OTC: variants seen among roughly 807,000 people sequenced by gnomAD.
OTC encodes ornithine transcarbamylase.
A neutral mutation model predicts 30.3 loss-of-function variants in OTC; 3 were observed. The observed-to-expected ratio is 0.10, with a 90% CI of 0.05 to 0.26. OTC has a LOEUF of 0.26. Among genes scored for constraint, OTC ranks in the 10% least tolerant of loss-of-function variants. OTC has a pLI of 1.00. For missense variants in OTC, 194 were observed against 260.3 expected (o/e 0.75, Z 1.75); for synonymous variants, 111 against 99.7 (o/e 1.11, Z -0.67).
intron 3 of OTC, among the ~76,000 whole-genome samples, chrX:38,375,695 G>T (rs1465596924): frequency 3.6e-5 from 4 of 111,489 alleles, no homozygotes; most frequent in Non-Finnish European, 5.7e-5. Context: ...AGTTTGAAGT[G>T]TCTATTAGAC....
the OTC span, among the ~76,000 whole-genome samples, chrX:38,333,256 G>A: frequency 2.3e-4 from 25 of 109,552 alleles, no homozygotes; most frequent in Non-Finnish European, 3.0e-4. Context: ...AAATGTTTCA[G>A]GCCACAAGTA....
chrX:38,334,374 C>G, the OTC span, among the ~76,000 whole-genome samples: 1 of 112,003 alleles, frequency 8.9e-6, no homozygotes, highest in African/African-American at 3.3e-5. Context: ...GAGCACAGAA[C>G]AGCAGTCTTC....
intron 3 of OTC, among the ~76,000 whole-genome samples, chrX:38,380,076 TC>T (rs1481361398): frequency 1.8e-5 from 2 of 111,806 alleles, no homozygotes; most frequent in East Asian, 2.8e-4. Context: ...TCAGTTTGTA[TC>T]CCCAAAAAAT....
upstream of OTC, among the ~76,000 whole-genome samples, chrX:38,350,412 G>T (rs1180322062): frequency 8.9e-6 from 1 of 111,822 alleles, no homozygotes; most frequent in African/African-American, 3.3e-5. Context: ...AACTAGATAG[G>T]TAGTGAAACA....
At chrX:38,330,071 G>A in the OTC span, among the ~76,000 whole-genome samples, 1 of 112,224 alleles carries the variant, frequency 8.9e-6, no homozygotes, top group Non-Finnish European at 1.9e-5. Flanking sequence ...AGATTAACCA[G>A]GTAAGCCCAA....
chrX:38,394,513 A>G (rs1450145977), intron 4 of OTC, among the ~76,000 whole-genome samples: 3 of 111,205 alleles, frequency 2.7e-5, no homozygotes, highest in Non-Finnish European at 5.7e-5. Context: ...CCACCTAATC[A>G]TCAGTCAAGT....
chrX:38,378,714 A>T lies in OTC; in HGVS notation c.299-2628A>T, dbSNP rs913293711. ...GTTGTGTTGTGTAGTTACTCCACAG[A>T]CATGAGATGTGCCATCCACCTAAAA... On this transcript the variant is annotated intron_variant, in intron 3 of 9. Coordinates refer to ENST00000039007, the MANE Select transcript of OTC (RefSeq NM_000531.6). Among the ~76,000 whole-genome samples the T allele has an allele frequency of 2.5e-4, 28 of 112,411 alleles. No homozygotes were observed. In the Admixed American group the frequency reaches 2.6e-3, roughly 11 times the overall value.
chrX:38,356,788 C>T (rs1436758030), intron 1 of OTC, among the ~76,000 whole-genome samples: 1 of 111,522 alleles, frequency 9.0e-6, no homozygotes, highest in Non-Finnish European at 1.9e-5. Context: ...GGGCCCTTGG[C>T]TGCCCCTTGT....
chrX:38,347,981 T>C (rs1009590295), upstream of OTC, among the ~76,000 whole-genome samples: 1 of 112,420 alleles, frequency 8.9e-6, no homozygotes, highest in Non-Finnish European at 1.9e-5. Flanking sequence ...ACTTAAAAGC[T>C]CAAAATGTCA....
intron 9 of OTC, among the ~76,000 whole-genome samples, chrX:38,417,542 G>A (rs1360793010): frequency 4.5e-5 from 5 of 111,456 alleles, no homozygotes; most frequent in South Asian, 3.8e-4. Flanking sequence ...TCAGTTTCTC[G>A]ATCTGTATTT....
the OTC span, among the ~76,000 whole-genome samples, chrX:38,340,182 C>T: frequency 9.0e-6 from 1 of 111,038 alleles, no homozygotes; most frequent in Non-Finnish European, 1.9e-5. Flanking sequence ...AATCCTAGGT[C>T]GAGAATATGT....
At chrX:38,358,601 C>T (rs970127071) in intron 1 of OTC, among the ~76,000 whole-genome samples, 1 of 107,741 alleles carries the variant, frequency 9.3e-6, no homozygotes, top group African/African-American at 3.4e-5. Context: ...CATAACCCCC[C>T]CTCACTAGCT....
At chrX:38,340,459 G>GTTTTTTTTTTTTTT in the OTC span, among the ~76,000 whole-genome samples, 1 of 60,535 alleles carries the variant, frequency 1.7e-5, no homozygotes, top group Non-Finnish European at 3.0e-5. Context: ...TTGTTTTTTT[G>GTTTTTTTTTTTTTT]TTTTTTTTTT....
intron 8 of OTC, 81 bp from the exon 9 acceptor site, chrX:38,411,781 G>T: frequency 4.3e-6 from 4 of 922,008 alleles, no homozygotes; most frequent in Non-Finnish European, 6.3e-6. Context: ...TACTGGCCAT[G>T]TGTGTTTTTA....
intron 1 of OTC, among the ~76,000 whole-genome samples, chrX:38,356,407 T>C (rs899441324): frequency 7.2e-5 from 8 of 111,881 alleles, no homozygotes; most frequent in South Asian, 3.8e-4. Flanking sequence ...TCTTTTCACA[T>C]GACCAGGAAA....
At chrX:38,346,220 G>A in the OTC span, among the ~76,000 whole-genome samples, 4 of 112,178 alleles carry the variant, frequency 3.6e-5, no homozygotes, top group African/African-American at 1.3e-4. Context: ...AGCATCATTA[G>A]CCTTTAGGGA....
chrX:38,381,595 C>T (rs1470928992), intron 4 of OTC, among the ~76,000 whole-genome samples, 166 bp downstream of exon 4: 2 of 111,896 alleles, frequency 1.8e-5, no homozygotes, highest in African/African-American at 6.5e-5. Flanking sequence ...ATCCTGTGGC[C>T]ACTTTCCATC....
chrX:38,387,814 A>G (rs755751175), intron 4 of OTC, among the ~76,000 whole-genome samples: 1 of 111,887 alleles, frequency 8.9e-6, no homozygotes, highest in African/African-American at 3.2e-5. Flanking sequence ...TCCCCAGCAA[A>G]CCAGTTCCCA....
Position 38,412,097 on chromosome X carries a change from A to G in OTC, c.1005+98A>G, listed in dbSNP as rs1053465290. The G allele has an allele frequency of 2.5e-5, 21 of 836,662 alleles. No individual in the cohort carries two copies. The Admixed American group carries it at 3.0e-4, about 12-fold the overall frequency. The allele number at this position is 836,662 out of a possible 1,213,427, so 69.0% of individuals were successfully genotyped here. ...AATAATAAGCAAGTGAGATTATCCA[A>G]CTACATTACTTGCTCATGTAACATC... On this transcript the variant is annotated intron_variant, in intron 9 of 9. Transcript: ENST00000039007.
Sources: gnomAD v4.1 joint callset for allele counts (sites outside exome capture counted in the v4.1 genomes callset) on GRCh38, gnomAD v4.1.1 for gene constraint, MANE v1.5 for transcripts, NCBI Gene and HGNC (gene_info 2026-07-23, HGNC 2026-07-21) for gene names.